Variants in CDKN2B-AS1 observed in about 807,000 individuals in gnomAD.
CDKN2B-AS1 encodes the protein CDKN2B and CDKN2A antisense cis and trans regulatory RNA 1.
chr9:22,062,256 A>G (rs1406303640), intron 4 of CDKN2B-AS1, among the ~76,000 whole-genome samples: 1 of 152,296 alleles, frequency 6.6e-6, no homozygotes, highest in African/African-American at 2.4e-5. Flanking sequence ...AGCATGATGA[A>G]TGAATTTATT....
chr9:22,063,741 T>G (rs1008772608), intron 4 of CDKN2B-AS1, among the ~76,000 whole-genome samples: 2 of 152,200 alleles, frequency 1.3e-5, no homozygotes, highest in Non-Finnish European at 2.9e-5. Flanking sequence ...TGGGAAAGGC[T>G]AGTGGCCTGT....
chr9:22,094,636 G>T (rs193101404), intron 4 of CDKN2B-AS1, among the ~76,000 whole-genome samples: 1 of 144,538 alleles, frequency 6.9e-6, no homozygotes, highest in East Asian at 2.0e-4. Flanking sequence ...TCGTCATGTA[G>T]TTCTCGTGCC....
At chr9:22,012,869 C>T (rs918968142) in intron 1 of CDKN2B-AS1, among the ~76,000 whole-genome samples, 4 of 151,144 alleles carry the variant, frequency 2.6e-5, no homozygotes, top group Admixed American at 1.3e-4. Context: ...ACAGTATATC[C>T]ACTTCTATAT....
In CDKN2B-AS1 at chr9:22,023,876, A is replaced by G. The variant is rs546781727; in HGVS notation, n.30-22875A>G. On this transcript the variant is annotated intron_variant and non_coding_transcript_variant, in intron 1 of 4. Coordinates refer to ENST00000650946, the Ensembl canonical transcript of CDKN2B-AS1. ...TTTTAGTTCCTTTGCATTTTGTTAC[A>G]ACATACTCCTATAACTCTGCGAACT... 2.0e-3 allele frequency among the ~76,000 whole-genome samples: 306 copies of G among 152,316 alleles called. 1 individual carries two copies. Among genetic ancestry groups the G allele is most frequent in the African/African-American group, 7.1e-3 (294 of 41,566 alleles).
chr9:22,005,914 T>C lies in CDKN2B-AS1; in HGVS notation n.29+10753T>C. ...CGCCGCTCCCCGTTGGCAGCCTTCATCGAATTAGGTGGGTGGGGGTGGGAA... is the reference window on the plus strand; with the variant it reads ...CGCCGCTCCCCGTTGGCAGCCTTCACCGAATTAGGTGGGTGGGGGTGGGAA... On this transcript the variant is annotated intron_variant and non_coding_transcript_variant, in intron 1 of 4. Transcript: ENST00000650946. This position sits in a 1 kb window ranked among gnomAD's most constrained non-coding sequence, Gnocchi z 4.9. The C allele has an allele frequency of 1.3e-6, 2 of 1,566,838 alleles. No individual in the cohort carries two copies. The highest frequency in any genetic ancestry group is 1.7e-6 in the Non-Finnish European group (2 of 1,161,990).
rs2131182234 is a variant in CDKN2B-AS1, at chr9:22,006,275, C to T, written n.29+11114C>T. 3 of 1,600,518 alleles carry T rather than the reference C, an allele frequency of 1.9e-6. No homozygotes were observed. Among genetic ancestry groups the T allele is most frequent in the Non-Finnish European group, 2.5e-6 (3 of 1,179,766 alleles). ...GCCAGAGAGAGCAGAGTGGTCAGAG[C>T]CAGGGTGGGGGCAGGTATGGGAGAT... On this transcript the variant is annotated intron_variant and non_coding_transcript_variant, in intron 1 of 4. Transcript: ENST00000650946. The surrounding 1 kb of genome is among the most constrained non-coding windows in gnomAD (Gnocchi z 6.4).
At chr9:22,084,821 G>C (rs1211728266) in intron 4 of CDKN2B-AS1, among the ~76,000 whole-genome samples, 1 of 152,172 alleles carries the variant, frequency 6.6e-6, no homozygotes, top group African/African-American at 2.4e-5. Context: ...TCATTATGAA[G>C]ACTGGCTGGT....
At chr9:22,100,613 C>G (rs72652464) in intron 4 of CDKN2B-AS1, among the ~76,000 whole-genome samples, 1,724 of 152,198 alleles carry the variant, frequency 0.011, 19 homozygotes, top group Middle Eastern at 0.065. Flanking sequence ...ATGAATAATG[C>G]TGTTATAAAC....
intron 4 of CDKN2B-AS1, among the ~76,000 whole-genome samples, chr9:22,127,070 G>A (rs896602494): frequency 2.6e-5 from 4 of 152,082 alleles, no homozygotes; most frequent in Non-Finnish European, 5.9e-5. Flanking sequence ...GGAGCTAAAT[G>A]TTTTCTTTTT....
Position 22,087,390 on chromosome 9 carries a change from T to A in CDKN2B-AS1, n.438+31003T>A, listed in dbSNP as rs143203833. 6.4e-3 allele frequency among the ~76,000 whole-genome samples: 976 copies of A among 152,332 alleles called. 12 individuals are homozygous for A. Among genetic ancestry groups the A allele is most frequent in the African/African-American group, 0.022 (912 of 41,566 alleles). ...GTATAGCAAGAAACTGGATCCCTGA[T>A]GACATTGAACCATTGACTGAATCTA... On this transcript the variant is annotated intron_variant and non_coding_transcript_variant, in intron 4 of 4. Transcript: ENST00000650946.
rs1267492298 is a variant in CDKN2B-AS1, at chr9:21,996,772, A to T, written n.29+1611A>T. ...TTTAGAAAGGGTTAGTTCATCCTGG[A>T]AGAAAAACGATGTCGGATGCCAGCA... On this transcript the variant is annotated intron_variant and non_coding_transcript_variant, in intron 1 of 4. Coordinates refer to ENST00000650946, the Ensembl canonical transcript of CDKN2B-AS1. The surrounding 1 kb of genome is among the most constrained non-coding windows in gnomAD (Gnocchi z 5.4). Among the ~76,000 whole-genome samples the T allele has an allele frequency of 6.6e-6, 1 of 152,166 alleles. No homozygotes were observed. Among genetic ancestry groups the T allele is most frequent in the African/African-American group, 2.4e-5 (1 of 41,430 alleles).
intron 2 of CDKN2B-AS1, among the ~76,000 whole-genome samples, chr9:22,048,347 C>A (rs1823195941): frequency 6.6e-6 from 1 of 152,132 alleles, no homozygotes. Context: ...CCTCATGATG[C>A]TGGCCTAACT....
chr9:22,061,561 T>TA (rs1277967168), intron 4 of CDKN2B-AS1, among the ~76,000 whole-genome samples: 6 of 152,160 alleles, frequency 3.9e-5, no homozygotes, highest in African/African-American at 1.2e-4. Flanking sequence ...GCCTGTTAGA[T>TA]ACAAAATTCA....
At chr9:22,050,109 T>G (rs1479511840) in intron 3 of CDKN2B-AS1, among the ~76,000 whole-genome samples, 1 of 152,192 alleles carries the variant, frequency 6.6e-6, no homozygotes, top group South Asian at 2.1e-4. Context: ...TTGGGAAACA[T>G]TAAAAAGTTG....
chr9:21,996,988 G>T lies in CDKN2B-AS1; in HGVS notation n.29+1827G>T, dbSNP rs1463274824. ...AACAGAACCCATTGTGTGTGTGTGC[G>T]TGCCAGTACCACACATATGTATATG... On this transcript the variant is annotated intron_variant and non_coding_transcript_variant, in intron 1 of 4. Transcript: ENST00000650946. This position sits in a 1 kb window ranked among gnomAD's most constrained non-coding sequence, Gnocchi z 5.4. 6.6e-6 allele frequency among the ~76,000 whole-genome samples: 1 copy of T among 152,150 alleles called. No homozygotes were observed. The highest frequency in any genetic ancestry group is 1.5e-5 in the Non-Finnish European group (1 of 68,026).
At chr9:22,114,412 C>G (rs547442250) in intron 4 of CDKN2B-AS1, among the ~76,000 whole-genome samples, 1 of 152,042 alleles carries the variant, frequency 6.6e-6, no homozygotes, top group African/African-American at 2.4e-5. Flanking sequence ...AGAGATTCGC[C>G]GAGGTAAACC....
intron 4 of CDKN2B-AS1, among the ~76,000 whole-genome samples, chr9:22,126,571 A>ATTTTTTTTTTTTTTTTTTTTT (rs1818026896): frequency 9.9e-6 from 1 of 100,602 alleles, no homozygotes; most frequent in African/African-American, 4.4e-5. Flanking sequence ...GAGTAAGTGG[A>ATTTTTTTTTTTTTTTTTTTTT]TTCTTTTTTT....
chr9:22,026,357 C>CCAA (rs911173038), intron 1 of CDKN2B-AS1, among the ~76,000 whole-genome samples: 57 of 152,152 alleles, frequency 3.7e-4, no homozygotes, highest in African/African-American at 1.1e-3. Flanking sequence ...GGATCGGGGA[C>CCAA]CAACTTAAAG....
intron 1 of CDKN2B-AS1, among the ~76,000 whole-genome samples, chr9:22,024,557 A>T (rs574138430): frequency 6.6e-6 from 1 of 152,270 alleles, no homozygotes; most frequent in South Asian, 2.1e-4. Flanking sequence ...AGGGTGTGGG[A>T]GGATCCTCTG....
Sources: allele counts gnomAD v4.1 joint callset (sites outside exome capture counted in the v4.1 genomes callset), GRCh38; gene constraint gnomAD v4.1.1; non-coding constraint Gnocchi (gnomAD v3.1); transcripts MANE v1.5; gene names NCBI Gene and HGNC (gene_info 2026-07-23, HGNC 2026-07-21).